KCNMB2: variants seen among roughly 807,000 people sequenced by gnomAD.
KCNMB2 encodes calcium-activated potassium channel subunit beta-2.
In KCNMB2, 9 loss-of-function variants were observed where a neutral mutation model predicts 24.5. That is an observed-to-expected ratio of 0.37 (90% CI 0.22 to 0.64). KCNMB2 has a LOEUF of 0.64. Ranked by LOEUF, KCNMB2 falls within the 30% of genes least tolerant of loss-of-function variation. The pLI is 0.63. For synonymous variants in KCNMB2, 109 were observed against 104.4 expected, an observed-to-expected ratio of 1.04 and a Z score of -0.27; for missense variants, 226 against 284.3, an observed-to-expected ratio of 0.79 and a Z score of 1.47.
intron 1 of KCNMB2, among the ~76,000 whole-genome samples, chr3:178,798,641 G>GCCTT (rs1713649471): frequency 6.6e-6 from 1 of 152,190 alleles, no homozygotes; most frequent in South Asian, 2.1e-4. Context: ...ACCAAGCACT[G>GCCTT]CATGTTCTCA....
intron 1 of KCNMB2, among the ~76,000 whole-genome samples, chr3:178,555,955 G>A (rs140403573): frequency 0.011 from 1,747 of 152,172 alleles, 24 homozygotes; most frequent in Non-Finnish European, 0.016. Context: ...ACAAAGGCTC[G>A]AATAAGAATT....
intron 2 of KCNMB2, among the ~76,000 whole-genome samples, chr3:178,813,954 T>C (rs1186928479): frequency 1.4e-5 from 2 of 142,474 alleles, no homozygotes; most frequent in African/African-American, 5.4e-5. Context: ...ACTACGTTGT[T>C]GTTGTTGTTG....
At chr3:178,685,510 G>A (rs1721434876) in intron 1 of KCNMB2, among the ~76,000 whole-genome samples, 1 of 152,168 alleles carries the variant, frequency 6.6e-6, no homozygotes, top group Non-Finnish European at 1.5e-5. Flanking sequence ...AGAGACCAAG[G>A]TGGCTATTGC....
intron 1 of KCNMB2, among the ~76,000 whole-genome samples, chr3:178,562,904 A>G (rs1024731034): frequency 2.0e-5 from 3 of 152,234 alleles, no homozygotes. Context: ...GGGTGTGCCC[A>G]GCAGAAAGAT....
intron 1 of KCNMB2, among the ~76,000 whole-genome samples, chr3:178,572,339 AC>A (rs941820445): frequency 1.3e-5 from 2 of 152,212 alleles, no homozygotes; most frequent in Admixed American, 1.3e-4. Flanking sequence ...AGCTAAGGAA[AC>A]AGAAAATCAC....
At chr3:178,799,243 C>T (rs889304568) in intron 1 of KCNMB2, among the ~76,000 whole-genome samples, 1 of 151,974 alleles carries the variant, frequency 6.6e-6, no homozygotes, top group African/African-American at 2.4e-5. Flanking sequence ...TCAAATTATC[C>T]TTGTTTGAAG....
At chr3:178,731,600 A>C (rs7622551) in intron 1 of KCNMB2, among the ~76,000 whole-genome samples, 53,439 of 152,106 alleles carry the variant, frequency 0.35, 9,756 homozygotes, top group African/African-American at 0.44. Context: ...GTCCTGCCAA[A>C]AAATTAAAAT....
intron 1 of KCNMB2, among the ~76,000 whole-genome samples, chr3:178,722,029 G>C (rs1432785348): frequency 2.0e-5 from 3 of 152,020 alleles, no homozygotes; most frequent in Non-Finnish European, 2.9e-5. Context: ...TCTCTTAACA[G>C]AGTCTTTTGC....
At chr3:178,788,859 A>C (rs2108438510) in intron 1 of KCNMB2, among the ~76,000 whole-genome samples, 1 of 152,342 alleles carries the variant, frequency 6.6e-6, no homozygotes, top group East Asian at 1.9e-4. Flanking sequence ...TCTAGACCAA[A>C]GTTCTATAAG....
intron 1 of KCNMB2, among the ~76,000 whole-genome samples, chr3:178,754,012 T>C (rs1723935312): frequency 6.6e-6 from 1 of 151,682 alleles, no homozygotes; most frequent in Admixed American, 6.6e-5. Context: ...TGTTTTTAGA[T>C]TTCACATATA....
chr3:178,652,721 G>A (rs1720174247), intron 1 of KCNMB2, among the ~76,000 whole-genome samples: 1 of 146,786 alleles, frequency 6.8e-6, no homozygotes, highest in Non-Finnish European at 1.5e-5. Context: ...GGAGTGCAAT[G>A]GTGCAATCTC....
chr3:178,603,541 G>A (rs1718168989), intron 1 of KCNMB2, among the ~76,000 whole-genome samples: 1 of 152,178 alleles, frequency 6.6e-6, no homozygotes, highest in Non-Finnish European at 1.5e-5. Context: ...GAGGCAATCA[G>A]AAGTGCTCAA....
At chr3:178,538,973 G>GC (rs1398956599) in intron 1 of KCNMB2, among the ~76,000 whole-genome samples, 4 of 152,038 alleles carry the variant, frequency 2.6e-5, no homozygotes, top group Admixed American at 1.3e-4. Context: ...TATGCAAAAA[G>GC]CAAGTCTGCA....
At chr3:178,833,073 GC>G (rs1183828349) in intron 4 of KCNMB2, among the ~76,000 whole-genome samples, 27 of 22,966 alleles carry the variant, frequency 1.2e-3, no homozygotes, top group African/African-American at 2.8e-3. Flanking sequence ...ACTTACTTCT[GC>G]CAGGTACAAG....
At chr3:178,698,256 C>T (rs1176873391) in intron 1 of KCNMB2, among the ~76,000 whole-genome samples, 6 of 152,110 alleles carry the variant, frequency 3.9e-5, no homozygotes, top group South Asian at 4.1e-4. Flanking sequence ...ATTCATAACA[C>T]CAAGAGTCAC....
chr3:178,598,110 T>A (rs889773474), intron 1 of KCNMB2, among the ~76,000 whole-genome samples: 3 of 151,748 alleles, frequency 2.0e-5, no homozygotes, highest in African/African-American at 4.8e-5. Context: ...AAAACCAGCC[T>A]CAAAACTTGC....
intron 1 of KCNMB2, among the ~76,000 whole-genome samples, chr3:178,623,273 A>G (rs1009805819): frequency 6.6e-6 from 1 of 152,310 alleles, no homozygotes; most frequent in African/African-American, 2.4e-5. Context: ...CACTTACGTG[A>G]TTTATATTGA....
At chr3:178,701,945 G>T (rs1722112851) in intron 1 of KCNMB2, among the ~76,000 whole-genome samples, 2 of 152,048 alleles carry the variant, frequency 1.3e-5, no homozygotes, top group South Asian at 4.2e-4. Context: ...TATACCCAAT[G>T]GAATATAAAT....
intron 1 of KCNMB2, chr3:178,757,057 T>C (rs1724080898): frequency 6.6e-6 from 1 of 151,556 alleles, no homozygotes; most frequent in Non-Finnish European, 1.5e-5. Context: ...GAGCCTTTCC[T>C]CATTACACCC....
Sources: gnomAD v4.1 joint callset for allele counts (sites outside exome capture counted in the v4.1 genomes callset) on GRCh38, gnomAD v4.1.1 for gene constraint, MANE v1.5 for transcripts, NCBI Gene and HGNC (gene_info 2026-07-23, HGNC 2026-07-21) for gene names.